SHROOM3: variants seen among roughly 807,000 people sequenced by gnomAD.
The protein encoded by SHROOM3 is shroom family member 3, also known as protein Shroom3.
In SHROOM3, 47 loss-of-function variants were observed where a neutral mutation model predicts 138.6. The observed-to-expected ratio is 0.34, with a 90% CI of 0.27 to 0.43. The LOEUF (loss-of-function observed/expected upper bound fraction) is 0.43. Among genes scored for constraint, SHROOM3 ranks in the 20% least tolerant of loss-of-function variants. The pLI, the probability that SHROOM3 is intolerant of heterozygous loss-of-function variation, is 1.00. For missense variants in SHROOM3, 2,491 were observed against 2,596.5 expected (o/e 0.96, Z 0.88); for synonymous variants, 1,062 against 1,063.3 (o/e 1.00, Z 0.02).
rs376682417 is a variant in SHROOM3 at position 76,682,536 on chromosome 4, T to G, written c.324-27620T>G. Among the ~76,000 whole-genome samples the G allele has an allele frequency of 2.6e-5, 4 of 152,242 alleles. No individual in the cohort carries two copies. The South Asian group carries it at 8.3e-4, about 32-fold the overall frequency. ...ACTGTGAGTTCCTTGAAGTTAGGGT[T>G]GGACCTCATCCATCTTGATATCCCT... On this transcript the variant is annotated intron_variant, in intron 2 of 10. Coordinates refer to ENST00000296043, the MANE Select transcript of SHROOM3 (RefSeq NM_020859.4).
chr4:76,451,460 C>G (rs1186981689), intron 1 of SHROOM3, among the ~76,000 whole-genome samples: 1 of 152,096 alleles, frequency 6.6e-6, no homozygotes, highest in Non-Finnish European at 1.5e-5. Context: ...ATTTTTAAAA[C>G]CAGTCATTGG....
chr4:76,770,935 C>T (rs201801610), intron 10 of SHROOM3, 37 bp downstream of exon 10: 2 of 1,613,438 alleles, frequency 1.2e-6, no homozygotes, highest in African/African-American at 2.7e-5. Context: ...CAAGTTCTCC[C>T]TCAAAGCCCA....
chr4:76,492,976 T>A (rs533483849), intron 1 of SHROOM3, among the ~76,000 whole-genome samples: 1 of 152,258 alleles, frequency 6.6e-6, no homozygotes, highest in Non-Finnish European at 1.5e-5. Flanking sequence ...ATCCTAGCAC[T>A]TTGGGAGGCC....
chr4:76,495,272 T>C (rs559421537), intron 1 of SHROOM3, among the ~76,000 whole-genome samples: 1 of 152,362 alleles, frequency 6.6e-6, no homozygotes, highest in South Asian at 2.1e-4. Context: ...TAAGCTGTTG[T>C]ATTGGCTGCT....
At position 76,616,915 on chromosome 4, in the gene SHROOM3, C is replaced by G. The variant is rs113772283; in HGVS notation, c.323+61152C>G. On this transcript the variant is annotated intron_variant, in intron 2 of 10. Transcript: ENST00000296043. ...TGGACTTCCCTCCTGCAGAAGTTAA[C>G]ATGGAACAGATAGTGAAGTTAAACA... Among the ~76,000 whole-genome samples, 547 of 152,276 alleles carry G rather than the reference C, an allele frequency of 3.6e-3. 2 individuals carry two copies. The highest frequency in any genetic ancestry group is 0.014 in the Middle Eastern group (4 of 294).
At chr4:76,532,062 C>T (rs1011290664) in intron 1 of SHROOM3, among the ~76,000 whole-genome samples, 1 of 139,810 alleles carries the variant, frequency 7.2e-6, no homozygotes, top group Non-Finnish European at 1.5e-5. Flanking sequence ...CCCCCCTCCC[C>T]CCATCCCATG....
At chr4:76,660,792 T>C (rs1318270022) in intron 2 of SHROOM3, among the ~76,000 whole-genome samples, 1 of 151,052 alleles carries the variant, frequency 6.6e-6, no homozygotes, top group Non-Finnish European at 1.5e-5. Context: ...ATCATTTTTT[T>C]TCATTTGTGG....
At position 76,759,581 on chromosome 4, in the gene SHROOM3, C is replaced by G; in HGVS notation, c.5235C>G (p.Asn1745Lys). 6.2e-7 allele frequency: 1 copy of G among 1,614,162 alleles called. No individual in the cohort carries two copies. Among genetic ancestry groups the G allele is most frequent in the Non-Finnish European group, 8.5e-7 (1 of 1,180,018 alleles). Residue 1745 changes from asparagine (N) to lysine (K), a missense_variant, in exon 9 of 11, where the codon AAC (asparagine) becomes AAG (lysine). Physicochemically the swap from Asn to Lys is moderately conservative, Grantham distance 94 (BLOSUM62 0). Coordinates refer to ENST00000296043, the MANE Select transcript of SHROOM3 (RefSeq NM_020859.4). ...EDKEAVSMLV[N>K]CPAYYSVSAP... ...AGGAAGCAGTGAGCATGTTGGTTAA[C>G]TGCCCTGCCTACTACAGTGTGTCTG...
At chr4:76,538,411 G>C (rs1039126657) in intron 1 of SHROOM3, among the ~76,000 whole-genome samples, 2 of 152,170 alleles carry the variant, frequency 1.3e-5, no homozygotes, top group Non-Finnish European at 1.5e-5. Flanking sequence ...AAGGAAGACA[G>C]AGGCCCAAGT....
intron 2 of SHROOM3, among the ~76,000 whole-genome samples, chr4:76,575,076 T>C (rs1733911876): frequency 6.6e-6 from 1 of 152,190 alleles, no homozygotes; most frequent in Non-Finnish European, 1.5e-5. Flanking sequence ...ATATATCTTC[T>C]CAATAGAATG....
intron 2 of SHROOM3, among the ~76,000 whole-genome samples, chr4:76,608,409 T>C (rs190444052): frequency 2.0e-5 from 3 of 152,304 alleles, no homozygotes; most frequent in African/African-American, 7.2e-5. Flanking sequence ...CAAGGAAAGT[T>C]CTGATTTAAA....
At chr4:76,728,887 G>C (rs1414573310) in intron 3 of SHROOM3, among the ~76,000 whole-genome samples, 1 of 151,256 alleles carries the variant, frequency 6.6e-6, no homozygotes, top group Non-Finnish European at 1.5e-5. Context: ...GGGAGCTCGG[G>C]GCAATACCTC....
At position 76,677,218 on chromosome 4, in the gene SHROOM3, G is replaced by A. The variant is rs1417522304; in HGVS notation, c.324-32938G>A. Reference sequence around the variant, plus strand: ...AATAAAGTATTTGCCTGTACAGAATGAATGTGTCCACTTTCCTTTACCTTC... The same window carrying A: ...AATAAAGTATTTGCCTGTACAGAATAAATGTGTCCACTTTCCTTTACCTTC... On this transcript the variant is annotated intron_variant, in intron 2 of 10. Coordinates refer to ENST00000296043, the MANE Select transcript of SHROOM3 (RefSeq NM_020859.4). Among the ~76,000 whole-genome samples, 8 of 152,258 alleles carry A rather than the reference G, an allele frequency of 5.3e-5. No homozygotes were observed. The South Asian group carries it at 6.2e-4, about 12-fold the overall frequency.
intron 1 of SHROOM3, among the ~76,000 whole-genome samples, chr4:76,482,887 C>A (rs537037753): frequency 1.4e-4 from 22 of 152,208 alleles, no homozygotes; most frequent in Non-Finnish European, 2.5e-4. Flanking sequence ...CTGACAAAAA[C>A]AAGAAATGGG....
intron 2 of SHROOM3, among the ~76,000 whole-genome samples, chr4:76,574,639 C>A (rs1434374834): frequency 6.6e-6 from 1 of 152,082 alleles, no homozygotes; most frequent in Non-Finnish European, 1.5e-5. Context: ...AATGTATAGC[C>A]TTAAAAGCAA....
rs116346263 is a variant in SHROOM3, at chr4:76,490,238, C to T, written c.168+54018C>T. Among the ~76,000 whole-genome samples the T allele has an allele frequency of 2.9e-3, 439 of 152,156 alleles. 3 individuals carry two copies. The highest frequency in any genetic ancestry group is 9.9e-3 in the African/African-American group (412 of 41,520). On this transcript the variant is annotated intron_variant, in intron 1 of 10. Transcript: ENST00000296043. ...ACTTCTATGAAAAGGAAGACTTAGC[C>T]GGCAATCAGTCTGACTGGTTGTGGA...
chr4:76,584,596 G>A (rs905824576), intron 2 of SHROOM3, among the ~76,000 whole-genome samples: 5 of 152,158 alleles, frequency 3.3e-5, no homozygotes, highest in Admixed American at 6.5e-5. Flanking sequence ...CATACTAGCC[G>A]GCTGATTGTG....
At chr4:76,714,550 G>A (rs1037903639) in intron 3 of SHROOM3, among the ~76,000 whole-genome samples, 42 of 152,134 alleles carry the variant, frequency 2.8e-4, no homozygotes, top group African/African-American at 8.2e-4. Flanking sequence ...GGTGAAGTCC[G>A]CCAGGTTTTT....
intron 3 of SHROOM3, 44 bp from the exon 4 acceptor site, chr4:76,730,760 G>A (rs369694866): frequency 2.5e-6 from 4 of 1,612,992 alleles, no homozygotes; most frequent in Non-Finnish European, 3.4e-6. Context: ...AGACTCAGCT[G>A]AGACTTTGGC....
Sources: gnomAD v4.1 joint callset for allele counts (sites outside exome capture counted in the v4.1 genomes callset) on GRCh38, gnomAD v4.1.1 for gene constraint, MANE v1.5 for transcripts, NCBI Gene and HGNC (gene_info 2026-07-23, HGNC 2026-07-21) for gene names.